The following BDH1 variants were observed in gnomAD, a reference collection of about 807,000 sequenced individuals.
BDH1 encodes the protein D-beta-hydroxybutyrate dehydrogenase, mitochondrial.
BDH1 carries 30 observed loss-of-function variants against 33.1 expected under a neutral mutation model. That is an observed-to-expected ratio of 0.91 (90% CI 0.68 to 1.23). The LOEUF (loss-of-function observed/expected upper bound fraction) is 1.23. BDH1 is among the 50% of genes most tolerant of loss of function. The pLI is 0.00. For synonymous variants in BDH1, 190 were observed against 183.6 expected (o/e 1.03, Z -0.28); for missense variants, 443 against 464.4 (o/e 0.95, Z 0.42).
chr3:197,543,692 T>C (rs563045827), intron 3 of BDH1, among the ~76,000 whole-genome samples: 1 of 152,304 alleles, frequency 6.6e-6, no homozygotes, highest in South Asian at 2.1e-4. Context: ...GGGTGTTTTG[T>C]TCAGGCACCA....
chr3:197,535,890 C>T (rs35359187), intron 3 of BDH1, among the ~76,000 whole-genome samples: 15,793 of 151,834 alleles, frequency 0.1, 919 homozygotes, highest in African/African-American at 0.15. Flanking sequence ...ACAAAAAATA[C>T]GAAAATTAGT....
intron 3 of BDH1, among the ~76,000 whole-genome samples, chr3:197,545,850 GT>G (rs1335577827): frequency 1.3e-5 from 2 of 152,224 alleles, no homozygotes; most frequent in Non-Finnish European, 2.9e-5. Flanking sequence ...TTAAGAAGTG[GT>G]TATGGCCAGG....
upstream of BDH1, among the ~76,000 whole-genome samples, chr3:197,560,790 T>C (rs1158557724): frequency 6.6e-6 from 1 of 152,182 alleles, no homozygotes; most frequent in Non-Finnish European, 1.5e-5. Flanking sequence ...CAGCCTCCCA[T>C]TCTATTCAGT....
intron 3 of BDH1, among the ~76,000 whole-genome samples, chr3:197,543,996 A>G (rs1388833793): frequency 1.3e-5 from 2 of 152,208 alleles, no homozygotes; most frequent in African/African-American, 4.8e-5. Context: ...TAACCTCTCC[A>G]TCACTGGACA....
chr3:197,551,983 C>A (rs867199329), intron 2 of BDH1, among the ~76,000 whole-genome samples: 1 of 152,310 alleles, frequency 6.6e-6, no homozygotes, highest in Non-Finnish European at 1.5e-5. Flanking sequence ...CCATGACGAG[C>A]ACTCATAGCT....
At chr3:197,519,835 CGGGGGTCG>C (rs2108719318) in intron 6 of BDH1, among the ~76,000 whole-genome samples, 1 of 152,154 alleles carries the variant, frequency 6.6e-6, no homozygotes, top group East Asian at 1.9e-4. Context: ...CAGCGTCCTG[CGGGGGTCG>C]GGGCCGGTGG....
chr3:197,556,820 G>A (rs908792655), upstream of BDH1, among the ~76,000 whole-genome samples: 1 of 152,194 alleles, frequency 6.6e-6, no homozygotes, highest in East Asian at 1.9e-4. Flanking sequence ...ATCGCCCTGC[G>A]CCAGCACACC....
chr3:197,547,789 A>G (rs530929995), intron 2 of BDH1, among the ~76,000 whole-genome samples: 2 of 152,134 alleles, frequency 1.3e-5, no homozygotes, highest in African/African-American at 4.8e-5. Context: ...CGCAGCCACC[A>G]CTGACTCCAA....
At chr3:197,568,293 T>G (rs868078884) in intron 1 of BDH1, among the ~76,000 whole-genome samples, 6,555 of 150,030 alleles carry the variant, frequency 0.044, 405 homozygotes, top group African/African-American at 0.14. Flanking sequence ...TTTTGTGGGT[T>G]TTTTTTTTTT....
chr3:197,563,696 TTTAAA>T (rs1198066454), intron 1 of BDH1, among the ~76,000 whole-genome samples: 1 of 152,248 alleles, frequency 6.6e-6, no homozygotes, highest in Non-Finnish European at 1.5e-5. Flanking sequence ...AAACATTCTT[TTTAAA>T]AAGTGTGTCA....
At position 197,510,487 on chromosome 3, in the gene BDH1, G is replaced by C. The variant is rs2567371; in HGVS notation, c.*1408C>G. ...TCGCAGGGATGGCAGCTTTCAAACT[G>C]AAACCCAAGAAGTGATCATGCAGAC... On this transcript the variant is annotated 3_prime_UTR_variant, in exon 8 of 8. Transcript: ENST00000392379. 0.67 allele frequency: 102,326 copies of C among 152,138 alleles called. 35,628 individuals carry two copies. Among genetic ancestry groups the C allele is most frequent in the African/African-American group, 0.79 (32,890 of 41,466 alleles). The allele number at this position is 152,138 out of a possible 1,614,324, so 9.4% of individuals were successfully genotyped here. A position where few individuals can be genotyped will look rare whatever the true frequency, so the allele number is the denominator to read the frequency against.
intron 3 of BDH1, among the ~76,000 whole-genome samples, chr3:197,541,771 C>T (rs1715646006): frequency 6.6e-6 from 1 of 152,180 alleles, no homozygotes; most frequent in Non-Finnish European, 1.5e-5. Flanking sequence ...TTCTAACCCA[C>T]AACCAAGGTT....
At position 197,511,297 on chromosome 3, in the gene BDH1, T is replaced by A. The variant is rs1013985914; in HGVS notation, c.*598A>T. On this transcript the variant is annotated 3_prime_UTR_variant, in exon 8 of 8. Coordinates refer to ENST00000392379, the MANE Select transcript of BDH1 (RefSeq NM_203314.3). Reference sequence around the variant, plus strand: ...CAGCTCTGAGTCACTGGCTGCTGGCTGGCCAGTCACACAGCACCATGGACA... The same window carrying A: ...CAGCTCTGAGTCACTGGCTGCTGGCAGGCCAGTCACACAGCACCATGGACA... 2.0e-5 allele frequency: 3 copies of A among 152,466 alleles called. No individual in the cohort carries two copies. Among genetic ancestry groups the A allele is most frequent in the Non-Finnish European group, 4.4e-5 (3 of 68,250 alleles). 9.4% of individuals were successfully genotyped at this position (152,466 alleles called of 1,614,324 possible).
chr3:197,557,912 G>A (rs929899833), upstream of BDH1, among the ~76,000 whole-genome samples: 11 of 152,094 alleles, frequency 7.2e-5, no homozygotes, highest in Non-Finnish European at 1.3e-4. This position sits in a 1 kb window ranked among gnomAD's most constrained non-coding sequence, Gnocchi z 4.6. Flanking sequence ...CTCCAGTGAC[G>A]GTGTTTCAGA....
chr3:197,543,302 AG>A (rs1715812028), intron 3 of BDH1: 2 of 467,748 alleles, frequency 4.3e-6, no homozygotes, highest in East Asian at 3.1e-4. Flanking sequence ...GGCAGCCAAA[AG>A]AAGCTATGTG....
intron 2 of BDH1, among the ~76,000 whole-genome samples, chr3:197,552,517 T>A (rs1210920430): frequency 6.6e-6 from 1 of 152,246 alleles, no homozygotes; most frequent in Non-Finnish European, 1.5e-5. Context: ...CATTCCTACC[T>A]GGTTCACTGC....
intron 3 of BDH1, chr3:197,543,271 C>T: frequency 2.7e-6 from 2 of 735,624 alleles, no homozygotes; most frequent in Non-Finnish European, 3.3e-6. Flanking sequence ...CCTGTTTGAC[C>T]ATGAATCCCG....
rs1458506936 is a variant in BDH1, at chr3:197,511,967, G to A, written c.960C>T (p.Tyr320=). ...TPYTRYHPMD[Y]YWWLRMQIMT... ...TGATCTGCATTCGCAGCCACCAGTA[G>A]TAGTCCATGGGGTGGTAGCGGGTGT... The change falls in exon 8 of 8, where the codon TAC becomes TAT. Residue 320 remains tyrosine (Y), a synonymous_variant. Coordinates refer to ENST00000392379, the MANE Select transcript of BDH1 (RefSeq NM_203314.3). 1 of 1,608,248 alleles carries A rather than the reference G, an allele frequency of 6.2e-7. No individual in the cohort carries two copies. Among genetic ancestry groups the A allele is most frequent in the South Asian group, 1.1e-5 (1 of 90,074 alleles).
chr3:197,550,535 A>T (rs1716474506), intron 2 of BDH1, among the ~76,000 whole-genome samples: 1 of 152,188 alleles, frequency 6.6e-6, no homozygotes, highest in Non-Finnish European at 1.5e-5. Flanking sequence ...CTGAGCCAGG[A>T]AGAGACACCA....
Sources: gnomAD v4.1 joint callset for allele counts (sites outside exome capture counted in the v4.1 genomes callset) on GRCh38, gnomAD v4.1.1 for gene constraint, Gnocchi (gnomAD v3.1) non-coding constraint, MANE v1.5 for transcripts, NCBI Gene and HGNC (gene_info 2026-07-23, HGNC 2026-07-21) for gene names.